Variants in FAM81A observed in about 807,000 individuals in gnomAD.
The protein encoded by FAM81A is protein FAM81A.
In FAM81A, 19 loss-of-function variants were observed where a neutral mutation model predicts 46.7. The ratio of observed to expected loss-of-function variants is 0.41; its 90% CI spans 0.28 to 0.60. The LOEUF (loss-of-function observed/expected upper bound fraction) is 0.60, where lower values mean the gene tolerates loss of function less well. Among genes scored for constraint, FAM81A ranks in the 20% least tolerant of loss-of-function variants. The pLI, the probability that FAM81A is intolerant of heterozygous loss-of-function variation, is 0.34. For synonymous variants in FAM81A, 183 were observed against 152.9 expected (o/e 1.20, Z -1.45); for missense variants, 377 against 453.5 (o/e 0.83, Z 1.53).
chr15:59,507,346 C>A lies in FAM81A; in HGVS notation c.543+4C>A, dbSNP rs773744802. ...AATCAAAGATGCAGAGGGACAGGTA[C>A]GACCTGTTTCAGGTAGCTTTTAGAA... is the stretch of plus-strand genomic sequence containing the variant. On this transcript the variant is annotated splice_donor_region_variant and intron_variant, in intron 5 of 8. Transcript: ENST00000288228. 1 of 1,611,022 alleles carries A rather than the reference C, an allele frequency of 6.2e-7. No individual in the cohort carries two copies. The highest frequency in any genetic ancestry group is 2.2e-5 in the East Asian group (1 of 44,828).
chr15:59,404,564 C>A (rs148084276), intron 2 of FAM81A, among the ~76,000 whole-genome samples: 1 of 152,034 alleles, frequency 6.6e-6, no homozygotes, highest in African/African-American at 2.4e-5. Context: ...GGGCTCAAGC[C>A]GTCCTCCTAC....
intron 3 of FAM81A, among the ~76,000 whole-genome samples, chr15:59,485,335 C>CT (rs1416147208): frequency 1.3e-5 from 2 of 152,212 alleles, no homozygotes; most frequent in Non-Finnish European, 2.9e-5. Context: ...GGCTTCAGGT[C>CT]AGACCCATCA....
chr15:59,452,710 TGTA>T (rs1199833992), intron 1 of FAM81A, among the ~76,000 whole-genome samples: 3 of 152,194 alleles, frequency 2.0e-5, no homozygotes, highest in African/African-American at 7.2e-5. Context: ...ATGCTCATGA[TGTA>T]GTGTCAATTC....
At chr15:59,413,595 A>G (rs1165560904) in intron 2 of FAM81A, among the ~76,000 whole-genome samples, 1 of 152,076 alleles carries the variant, frequency 6.6e-6, no homozygotes, top group Non-Finnish European at 1.5e-5. Context: ...GTTCTAAGCC[A>G]TTATCTGCTG....
intron 3 of FAM81A, among the ~76,000 whole-genome samples, chr15:59,478,468 G>A: frequency 6.6e-6 from 1 of 152,224 alleles, no homozygotes. Context: ...TTAACATGTA[G>A]TCGGACTAAC....
intron 1 of FAM81A, among the ~76,000 whole-genome samples, chr15:59,447,327 G>A (rs536802506): frequency 3.5e-4 from 54 of 152,276 alleles, no homozygotes; most frequent in African/African-American, 1.1e-3. Context: ...CTTAGAGACC[G>A]TGTAAGACCT....
At chr15:59,484,321 C>T (rs978005003) in intron 3 of FAM81A, among the ~76,000 whole-genome samples, 1 of 152,174 alleles carries the variant, frequency 6.6e-6, no homozygotes, top group African/African-American at 2.4e-5. Flanking sequence ...GAATAGAAGC[C>T]TCCACCAATT....
In FAM81A at chr15:59,489,570, A is replaced by G. The variant is rs141852614; in HGVS notation, c.295-2701A>G. On this transcript the variant is annotated intron_variant, in intron 3 of 8. Transcript: ENST00000288228. ...AGAAAAAAAAAATCCTAAAGTTCAC[A>G]TGGAACCACAAAATACCAAAATAGC... Among the ~76,000 whole-genome samples the G allele has an allele frequency of 3.2e-4, 48 of 152,350 alleles. No homozygotes were observed. The East Asian group carries it at 7.7e-3, about 24-fold the overall frequency.
chr15:59,515,634 T>C (rs1181804623), intron 7 of FAM81A, among the ~76,000 whole-genome samples: 2 of 152,176 alleles, frequency 1.3e-5, no homozygotes, highest in African/African-American at 2.4e-5. Flanking sequence ...AATTTTCATA[T>C]ATGATTTTAT....
chr15:59,398,056 AC>A (rs1207857541), intron 1 of FAM81A, among the ~76,000 whole-genome samples: 1 of 152,142 alleles, frequency 6.6e-6, no homozygotes, highest in African/African-American at 2.4e-5. Flanking sequence ...CACAATCCTA[AC>A]CATAGCATCA....
chr15:59,487,738 A>G (rs2081935583), intron 3 of FAM81A, among the ~76,000 whole-genome samples: 1 of 152,182 alleles, frequency 6.6e-6, no homozygotes, highest in African/African-American at 2.4e-5. Flanking sequence ...ACCAGTAACA[A>G]GTAACGAGAT....
chr15:59,510,310 A>C (rs1292254195), intron 6 of FAM81A, among the ~76,000 whole-genome samples: 1 of 150,572 alleles, frequency 6.6e-6, no homozygotes. Context: ...AGGTTGCAGC[A>C]GTGAGCCGAG....
chr15:59,516,938 G>A (rs1337810694), intron 8 of FAM81A, 98 bp downstream of exon 8: 5 of 1,116,894 alleles, frequency 4.5e-6, no homozygotes, highest in African/African-American at 1.6e-5. Flanking sequence ...CCTGGCTAAT[G>A]GTAATAACCG....
intron 1 of FAM81A, among the ~76,000 whole-genome samples, chr15:59,451,140 G>T (rs558155420): frequency 1.3e-5 from 2 of 152,320 alleles, no homozygotes; most frequent in African/African-American, 4.8e-5. Flanking sequence ...AGGGTGATCA[G>T]AGATTATCAG....
chr15:59,516,322 G>T (rs986855824), intron 7 of FAM81A, among the ~76,000 whole-genome samples: 2 of 152,118 alleles, frequency 1.3e-5, no homozygotes, highest in South Asian at 2.1e-4. Context: ...TAAAGACAGG[G>T]TTTCACCATG....
At chr15:59,467,130 T>C (rs1304877841) in intron 3 of FAM81A, among the ~76,000 whole-genome samples, 3 of 152,206 alleles carry the variant, frequency 2.0e-5, no homozygotes, top group Non-Finnish European at 4.4e-5. Context: ...TAGTTTGAAG[T>C]CAGGTAGCAT....
At chr15:59,513,453 C>T (rs868501973) in intron 6 of FAM81A, among the ~76,000 whole-genome samples, 3 of 152,140 alleles carry the variant, frequency 2.0e-5, no homozygotes, top group Non-Finnish European at 2.9e-5. Flanking sequence ...AGCTCTGTGT[C>T]GCTGTGTCAC....
At chr15:59,416,454 C>T (rs1205829757) in intron 2 of FAM81A, among the ~76,000 whole-genome samples, 2 of 152,220 alleles carry the variant, frequency 1.3e-5, no homozygotes, top group East Asian at 3.8e-4. Context: ...GTATTGCACG[C>T]TTCTCTGTGC....
In FAM81A at chr15:59,503,885, G is replaced by A. The variant is rs528496130; in HGVS notation, c.414-3328G>A. 2.6e-5 allele frequency among the ~76,000 whole-genome samples: 4 copies of A among 152,198 alleles called. No homozygotes were observed. The East Asian group carries it at 7.7e-4, about 29-fold the overall frequency. Reference sequence around the variant, plus strand: ...ACTGTGCCCAGCCCTAGCCACTGTTGTATTAATAGAAATTTATGTTATAGT... The same window carrying A: ...ACTGTGCCCAGCCCTAGCCACTGTTATATTAATAGAAATTTATGTTATAGT... On this transcript the variant is annotated intron_variant, in intron 4 of 8. Coordinates refer to ENST00000288228, the MANE Select transcript of FAM81A (RefSeq NM_152450.3).
Sources: allele counts gnomAD v4.1 joint callset (sites outside exome capture counted in the v4.1 genomes callset), GRCh38; gene constraint gnomAD v4.1.1; transcripts MANE v1.5; gene names NCBI Gene and HGNC (gene_info 2026-07-23, HGNC 2026-07-21).